NDUFA10: variants seen among roughly 807,000 people sequenced by gnomAD.
NDUFA10 encodes the protein NADH:ubiquinone oxidoreductase subunit A10, also known as NADH dehydrogenase [ubiquinone] 1 alpha subcomplex subunit 10, mitochondrial.
NDUFA10 carries 40 observed loss-of-function variants against 47.8 expected under a neutral mutation model. The ratio of observed to expected loss-of-function variants is 0.84; its 90% CI spans 0.65 to 1.09. The LOEUF is 1.09. Ranked by LOEUF, NDUFA10 falls within the 50% of genes least tolerant of loss-of-function variation. The probability of loss-of-function intolerance (pLI) is 0.00; values close to 1 mark genes in which losing one functional copy is unlikely to be tolerated. For synonymous variants in NDUFA10, 183 were observed against 172.2 expected (o/e 1.06, Z -0.49); for missense variants, 413 against 451.1 (o/e 0.92, Z 0.76).
chr2:239,985,540 A>T (rs1197061152), intron 9 of NDUFA10, among the ~76,000 whole-genome samples: 2 of 152,116 alleles, frequency 1.3e-5, no homozygotes, highest in African/African-American at 2.4e-5. Flanking sequence ...TGCATGGTGA[A>T]AAGGTCCAAC....
intron 8 of NDUFA10, among the ~76,000 whole-genome samples, chr2:239,992,034 C>T (rs752629590): frequency 1.3e-5 from 2 of 152,182 alleles, no homozygotes; most frequent in East Asian, 1.9e-4. Flanking sequence ...AACCAAACTA[C>T]CCTTTCAATT....
At chr2:239,919,073 A>G (rs12474521) in intron 4 of NDUFA10, among the ~76,000 whole-genome samples, 118,730 of 152,140 alleles carry the variant, frequency 0.78, 46,898 homozygotes, top group African/African-American at 0.91. Context: ...CTCCAGGTCT[A>G]AGCACCATCT....
At chr2:239,905,244 G>A (rs1441118854) in intron 4 of NDUFA10, among the ~76,000 whole-genome samples, 1 of 152,158 alleles carries the variant, frequency 6.6e-6, no homozygotes, top group African/African-American at 2.4e-5. Flanking sequence ...CACAGTATGG[G>A]AAGGGGGCTT....
chr2:239,983,417 A>G lies in NDUFA10; in HGVS notation c.999+6657T>C. 4 of 1,457,614 alleles carry G rather than the reference A, an allele frequency of 2.7e-6. No individual in the cohort carries two copies. In the South Asian group the frequency reaches 5.5e-5, roughly 20 times the overall value. 90.3% of individuals were successfully genotyped at this position (1,457,614 alleles called of 1,614,324 possible). A position where few individuals can be genotyped will look rare whatever the true frequency, so the allele number is the denominator to read the frequency against. On this transcript the variant is annotated intron_variant, in intron 9 of 9. Coordinates refer to ENST00000252711, the MANE Select transcript of NDUFA10 (RefSeq NM_004544.4). ...ATTCTATGAATTTCCAGAAATGGTC[A>G]TTATTATTTATTACTATTTAATTTC... is the stretch of plus-strand genomic sequence containing the variant.
chr2:239,969,629 C>T, intron 9 of NDUFA10: 1 of 471,158 alleles, frequency 2.1e-6, no homozygotes, highest in Non-Finnish European at 4.4e-6. Context: ...CTTCCTGTCT[C>T]TTGTCACAGT....
chr2:239,938,977 G>A (rs552849564), intron 4 of NDUFA10, among the ~76,000 whole-genome samples: 4 of 152,306 alleles, frequency 2.6e-5, no homozygotes, highest in African/African-American at 9.6e-5. Context: ...TGCCTCACGA[G>A]GCCCCGCAAT....
intron 9 of NDUFA10, among the ~76,000 whole-genome samples, chr2:239,976,132 C>T (rs949268636): frequency 4.6e-5 from 7 of 152,224 alleles, no homozygotes; most frequent in Non-Finnish European, 7.3e-5. Flanking sequence ...ATCCCATCAA[C>T]GCTGATGAGA....
chr2:239,941,303 T>C (rs1694356483), intron 4 of NDUFA10, among the ~76,000 whole-genome samples: 1 of 152,012 alleles, frequency 6.6e-6, no homozygotes, highest in Non-Finnish European at 1.5e-5. Flanking sequence ...GCAATGGGAG[T>C]GGCACATAGG....
chr2:240,020,196 A>G (rs1262336908), intron 3 of NDUFA10, among the ~76,000 whole-genome samples: 5 of 152,196 alleles, frequency 3.3e-5, no homozygotes, highest in Non-Finnish European at 5.9e-5. Flanking sequence ...TGAAAACCAC[A>G]TTCTTGTTCT....
At chr2:239,894,893 T>C (rs13419754) in intron 5 of NDUFA10, among the ~76,000 whole-genome samples, 147,949 of 152,206 alleles carry the variant, frequency 0.97, 72,055 homozygotes, top group East Asian at 1. Context: ...GATCCTGAGG[T>C]ACCTCAAATT....
At chr2:239,911,666 A>AATGTGTGTGT (rs1693756418) in intron 4 of NDUFA10, among the ~76,000 whole-genome samples, 1 of 86,280 alleles carries the variant, frequency 1.2e-5, no homozygotes, top group African/African-American at 4.3e-5. Context: ...CCAAAACATG[A>AATGTGTGTGT]GAGAGTGTGT....
At chr2:240,000,362 C>A (rs1445854477) in intron 8 of NDUFA10, among the ~76,000 whole-genome samples, 2 of 151,988 alleles carry the variant, frequency 1.3e-5, no homozygotes, top group East Asian at 3.9e-4. Flanking sequence ...TCCAGGTAGG[C>A]CCAGGCCACT....
chr2:239,918,854 C>T (rs754664856), intron 4 of NDUFA10, among the ~76,000 whole-genome samples: 10 of 152,184 alleles, frequency 6.6e-5, no homozygotes, highest in Non-Finnish European at 1.2e-4. Flanking sequence ...AGGGGTGGCC[C>T]GTGTGGCAGG....
intron 9 of NDUFA10, among the ~76,000 whole-genome samples, chr2:239,974,733 G>C (rs569992481): frequency 2.6e-4 from 40 of 152,314 alleles, no homozygotes; most frequent in African/African-American, 8.9e-4. Context: ...CGCCACCAAA[G>C]AGCTGGTCAT....
intron 4 of NDUFA10, among the ~76,000 whole-genome samples, chr2:239,907,723 T>C (rs375245341): frequency 2.0e-5 from 3 of 151,988 alleles, no homozygotes; most frequent in African/African-American, 7.3e-5. Flanking sequence ...GTTAGAATGG[T>C]GATCATTAAA....
intron 2 of NDUFA10, 93 bp downstream of exon 2, chr2:240,022,079 T>C: frequency 2.0e-6 from 2 of 989,406 alleles, no homozygotes; most frequent in South Asian, 6.2e-5. Flanking sequence ...AAATATTTAA[T>C]ATTATTTAAT....
In NDUFA10 at chr2:239,987,320, G is replaced by C. The variant is rs1696039667; in HGVS notation, c.999+2754C>G. ...AGCCACGATTCTCAAACCAGGCGCT[G>C]TGCATCGACAGGAGGACTCGCTCGA... On this transcript the variant is annotated intron_variant, in intron 9 of 9. Transcript: ENST00000252711. The surrounding 1 kb of genome is among the most constrained non-coding windows in gnomAD (Gnocchi z 4.8). Among the ~76,000 whole-genome samples, 1 of 152,036 alleles carries C rather than the reference G, an allele frequency of 6.6e-6. No homozygotes were observed. The highest frequency in any genetic ancestry group is 1.5e-5 in the Non-Finnish European group (1 of 67,998).
At chr2:240,014,431 G>A (rs545307546) in intron 5 of NDUFA10, 2 of 428,350 alleles carry the variant, frequency 4.7e-6, no homozygotes, top group East Asian at 4.9e-5. Context: ...CGTGACAGAG[G>A]GATGGAGGAC....
chr2:239,959,935 C>A lies in NDUFA10; in HGVS notation c.*1183G>T. 1 of 985,514 alleles carries A rather than the reference C, an allele frequency of 1.0e-6. No individual in the cohort carries two copies. The highest frequency in any genetic ancestry group is 1.1e-4 in the East Asian group (1 of 8,816). The allele number at this position is 985,514 out of a possible 1,614,324, so 61.0% of individuals were successfully genotyped here. ...TCCGCAGCAGCGAGGCCTGGTAGAG[C>A]TTCCGCGGGGAGCAGAGCATCGTCC... On this transcript the variant is annotated 3_prime_UTR_variant, in exon 10 of 10. Coordinates refer to ENST00000252711, the MANE Select transcript of NDUFA10 (RefSeq NM_004544.4).
Sources: allele counts gnomAD v4.1 joint callset (sites outside exome capture counted in the v4.1 genomes callset), GRCh38; gene constraint gnomAD v4.1.1; non-coding constraint Gnocchi (gnomAD v3.1); transcripts MANE v1.5; gene names NCBI Gene and HGNC (gene_info 2026-07-23, HGNC 2026-07-21).